Variants in RAB27B observed in about 807,000 individuals in gnomAD.
RAB27B encodes the protein RAB27B, member RAS oncogene family.
In RAB27B, 15 loss-of-function variants were observed where a neutral mutation model predicts 24.6. The observed-to-expected ratio is 0.61, with a 90% CI of 0.41 to 0.94. The LOEUF (loss-of-function observed/expected upper bound fraction) is 0.94, where lower values mean the gene tolerates loss of function less well. Among genes scored for constraint, RAB27B ranks in the 40% least tolerant of loss-of-function variants. RAB27B has a pLI of 0.00. For missense variants in RAB27B, 261 were observed against 266.8 expected (o/e 0.98, Z 0.15); for synonymous variants, 105 against 92.5 (o/e 1.14, Z -0.78).
In RAB27B at chr18:54,889,257, A is replaced by T; in HGVS notation, c.501A>T (p.Gly167=). 8 of 1,611,678 alleles carry T rather than the reference A, an allele frequency of 5.0e-6. No individual in the cohort carries two copies. The highest frequency in any genetic ancestry group is 6.8e-6 in the Non-Finnish European group (8 of 1,178,836). ...ATTTTGAAACAAGTGCAGCAACTGGACAGAATGTGGAGAAAGCTGTAGAAA... is the reference window on the plus strand; with the variant it reads ...ATTTTGAAACAAGTGCAGCAACTGGTCAGAATGTGGAGAAAGCTGTAGAAA... ...IPYFETSAAT[G]QNVEKAVETL... The change falls in exon 6 of 6, where the codon GGA becomes GGT. Residue 167 remains glycine (G), a synonymous_variant. Coordinates refer to ENST00000262094, the MANE Select transcript of RAB27B (RefSeq NM_004163.4).
intron 1 of RAB27B, among the ~76,000 whole-genome samples, chr18:54,833,333 T>C (rs1423312535): frequency 2.7e-5 from 4 of 149,914 alleles, no homozygotes; most frequent in Non-Finnish European, 1.5e-5. Context: ...TTCAAGCGAT[T>C]CTCCCACCTC....
At chr18:54,786,498 C>T (rs1199822544) in intron 2 of RAB27B, among the ~76,000 whole-genome samples, 1 of 152,192 alleles carries the variant, frequency 6.6e-6, no homozygotes, top group Non-Finnish European at 1.5e-5. Flanking sequence ...AAAAGTGTCT[C>T]ATCTGAAATA....
chr18:54,736,478 AAAAG>A (rs1211484556), intron 2 of RAB27B, among the ~76,000 whole-genome samples: 1 of 152,146 alleles, frequency 6.6e-6, no homozygotes, highest in East Asian at 1.9e-4. Flanking sequence ...TAGTAAAAAA[AAAAG>A]GCTATTAATA....
At chr18:54,809,969 T>C (rs548428134) in intron 2 of RAB27B, among the ~76,000 whole-genome samples, 1 of 152,220 alleles carries the variant, frequency 6.6e-6, no homozygotes, top group Non-Finnish European at 1.5e-5. Flanking sequence ...ATCATAATTT[T>C]ATTATTCTGA....
At chr18:54,856,198 A>G (rs1911778734) in intron 1 of RAB27B, among the ~76,000 whole-genome samples, 1 of 152,226 alleles carries the variant, frequency 6.6e-6, no homozygotes, top group Non-Finnish European at 1.5e-5. Flanking sequence ...TAGAAGAAAA[A>G]TTTCAGCTGA....
chr18:54,873,543 C>G (rs2145262858), intron 1 of RAB27B, among the ~76,000 whole-genome samples: 1 of 152,094 alleles, frequency 6.6e-6, no homozygotes, highest in Admixed American at 6.5e-5. Context: ...TTTTTTAGCC[C>G]AGTTCTAGGA....
At chr18:54,799,558 G>A (rs556741162) in intron 2 of RAB27B, among the ~76,000 whole-genome samples, 1 of 147,532 alleles carries the variant, frequency 6.8e-6, no homozygotes, top group East Asian at 2.0e-4. Flanking sequence ...TATTACAAAA[G>A]CAAGGTATAC....
Position 54,835,873 on chromosome 18 carries a change from T to C in RAB27B, c.-20+7173T>C, listed in dbSNP as rs1013454392. ...GCTGTATTTTATTTTTTCACTTACC[T>C]ACTAGGAAAACCAAGAAGACAAAAG... On this transcript the variant is annotated intron_variant, in intron 1 of 5. Transcript: ENST00000262094. Among the ~76,000 whole-genome samples, 9 of 151,972 alleles carry C rather than the reference T, an allele frequency of 5.9e-5. 1 individual carries two copies. Among genetic ancestry groups the C allele is most frequent in the African/African-American group, 2.2e-4 (9 of 41,242 alleles).
At chr18:54,822,682 T>C (rs1191404339) in intron 2 of RAB27B, among the ~76,000 whole-genome samples, 1 of 152,220 alleles carries the variant, frequency 6.6e-6, no homozygotes, top group Admixed American at 6.5e-5. Flanking sequence ...TTAGTTCTTA[T>C]TTTTATAACT....
chr18:54,874,562 TA>T (rs11331217), intron 1 of RAB27B, among the ~76,000 whole-genome samples: 95,252 of 143,206 alleles, frequency 0.67, 32,113 homozygotes, highest in East Asian at 0.78. Flanking sequence ...ACACATTTGC[TA>T]AAAAAAAAAA....
chr18:54,858,798 T>G (rs980407579), intron 1 of RAB27B, among the ~76,000 whole-genome samples: 5 of 152,258 alleles, frequency 3.3e-5, no homozygotes, highest in Admixed American at 2.6e-4. Flanking sequence ...TTTTAAAAAT[T>G]AGCAGAAACG....
At chr18:54,718,920 A>G (rs1174945008) in intron 2 of RAB27B, among the ~76,000 whole-genome samples, 2 of 152,182 alleles carry the variant, frequency 1.3e-5, no homozygotes, top group African/African-American at 4.8e-5. Context: ...CCAAACTGTT[A>G]GATGTGGTTT....
chr18:54,780,034 C>T (rs1908849950), intron 2 of RAB27B, among the ~76,000 whole-genome samples: 1 of 145,284 alleles, frequency 6.9e-6, no homozygotes, highest in Admixed American at 6.9e-5. Flanking sequence ...GACTGCTTCC[C>T]CATCACCGTG....
chr18:54,837,614 C>G (rs1910946878), intron 1 of RAB27B, among the ~76,000 whole-genome samples: 1 of 151,968 alleles, frequency 6.6e-6, no homozygotes, highest in South Asian at 2.1e-4. Flanking sequence ...TCTATGAGAC[C>G]AAATGCCATC....
At position 54,734,931 on chromosome 18, in the gene RAB27B, A is replaced by G. The variant is rs563260605; in HGVS notation, c.-20+16790A>G. 3.3e-5 allele frequency among the ~76,000 whole-genome samples: 5 copies of G among 152,308 alleles called. No homozygotes were observed. In the South Asian group the frequency reaches 1.0e-3, roughly 32 times the overall value. On this transcript the variant is annotated intron_variant, in intron 2 of 4. Transcript: ENST00000586570. ...AATTATGAATCTCAGACAAACATAA[A>G]TGTACATATGTGAATAATTTTGTAT...
At chr18:54,840,101 A>G (rs1335046345) in intron 1 of RAB27B, among the ~76,000 whole-genome samples, 1 of 152,204 alleles carries the variant, frequency 6.6e-6, no homozygotes, top group Non-Finnish European at 1.5e-5. Flanking sequence ...GTCTGGGCAA[A>G]TAATGTTATG....
intron 1 of RAB27B, among the ~76,000 whole-genome samples, chr18:54,832,063 C>A (rs897111029): frequency 6.6e-6 from 1 of 152,076 alleles, no homozygotes; most frequent in South Asian, 2.1e-4. Flanking sequence ...TGTGAGCCAC[C>A]GCGCCTGGCC....
chr18:54,792,066 C>T (rs1355642604), intron 2 of RAB27B, among the ~76,000 whole-genome samples: 1 of 152,182 alleles, frequency 6.6e-6, no homozygotes, highest in Non-Finnish European at 1.5e-5. Flanking sequence ...ATACAGAAAG[C>T]CCTCTGTCCT....
intron 2 of RAB27B, among the ~76,000 whole-genome samples, chr18:54,821,961 C>G (rs899955172): frequency 6.6e-6 from 1 of 152,132 alleles, no homozygotes; most frequent in Admixed American, 6.5e-5. Context: ...CCATGTCGGC[C>G]AGGCTGGTCT....
Sources: gnomAD v4.1 joint callset for allele counts (sites outside exome capture counted in the v4.1 genomes callset) on GRCh38, gnomAD v4.1.1 for gene constraint, MANE v1.5 for transcripts, NCBI Gene and HGNC (gene_info 2026-07-23, HGNC 2026-07-21) for gene names.